The following ASIC2 variants were observed in gnomAD, a reference collection of about 807,000 sequenced individuals.
ASIC2 encodes acid sensing ion channel subunit 2.
A neutral mutation model predicts 57.3 loss-of-function variants in ASIC2; 25 were observed. The ratio of observed to expected loss-of-function variants is 0.44; its 90% CI spans 0.32 to 0.61. The LOEUF (loss-of-function observed/expected upper bound fraction) is 0.61. ASIC2 is among the 20% of genes least tolerant of loss of function. The probability of loss-of-function intolerance (pLI) is 0.06; values close to 1 mark genes in which losing one functional copy is unlikely to be tolerated. For missense variants in ASIC2, 641 were observed against 738.1 expected (o/e 0.87, Z 1.52); for synonymous variants, 319 against 307.5 (o/e 1.04, Z -0.39).
At chr17:33,139,522 T>A (rs2092379081) in intron 1 of ASIC2, among the ~76,000 whole-genome samples, 3 of 152,236 alleles carry the variant, frequency 2.0e-5, no homozygotes, top group Admixed American at 2.0e-4. Context: ...CTTTCCTTGA[T>A]GTTGTCCCAC....
At chr17:33,770,429 A>T (rs1366181611) in intron 1 of ASIC2, among the ~76,000 whole-genome samples, 1 of 152,178 alleles carries the variant, frequency 6.6e-6, no homozygotes, top group Non-Finnish European at 1.5e-5. Flanking sequence ...TACAGGCTTA[A>T]TGTAGGCTTG....
intron 1 of ASIC2, among the ~76,000 whole-genome samples, chr17:33,449,683 G>A (rs540001871): frequency 2.6e-5 from 4 of 152,182 alleles, no homozygotes; most frequent in South Asian, 2.1e-4. Context: ...TACATAAAGC[G>A]TTATAGACCT....
chr17:33,690,743 G>GTTTTTTTTTTTTTTT (rs527881591), intron 1 of ASIC2, among the ~76,000 whole-genome samples: 1 of 81,676 alleles, frequency 1.2e-5, no homozygotes, highest in African/African-American at 5.4e-5. Context: ...ACTCTTCATT[G>GTTTTTTTTTTTTTTT]TTTTTTTTTT....
intron 1 of ASIC2, among the ~76,000 whole-genome samples, chr17:34,151,987 C>T (rs1025038264): frequency 5.3e-5 from 8 of 152,124 alleles, no homozygotes; most frequent in African/African-American, 1.9e-4. Context: ...CTAAAACTCA[C>T]ATTCTTCACC....
chr17:34,033,386 G>T (rs932009249), intron 1 of ASIC2, among the ~76,000 whole-genome samples: 3 of 152,012 alleles, frequency 2.0e-5, no homozygotes, highest in African/African-American at 7.3e-5. Context: ...GAAATTTATA[G>T]CACTAAATGC....
At chr17:33,419,944 A>G (rs1016387034) in intron 1 of ASIC2, among the ~76,000 whole-genome samples, 2 of 152,166 alleles carry the variant, frequency 1.3e-5, no homozygotes, top group Admixed American at 6.5e-5. Flanking sequence ...AAGTGTCTAT[A>G]TATGTTTAGA....
chr17:33,943,976 T>C (rs1916250820), intron 1 of ASIC2, among the ~76,000 whole-genome samples: 1 of 151,404 alleles, frequency 6.6e-6, no homozygotes, highest in African/African-American at 2.4e-5. Context: ...AGAGGTTTAT[T>C]TGTGGAAACC....
intron 3 of ASIC2, among the ~76,000 whole-genome samples, chr17:33,034,297 C>T (rs144044234): frequency 8.1e-4 from 124 of 152,232 alleles, no homozygotes; most frequent in East Asian, 3.1e-3. Context: ...CCAGAAAAAT[C>T]GGCACCCTAG....
intron 1 of ASIC2, among the ~76,000 whole-genome samples, chr17:33,777,051 C>T (rs1171306123): frequency 6.6e-6 from 1 of 152,154 alleles, no homozygotes; most frequent in Non-Finnish European, 1.5e-5. Context: ...ATGGCATCCA[C>T]AGCCCATGTA....
intron 1 of ASIC2, among the ~76,000 whole-genome samples, chr17:33,361,012 C>T (rs1030199697): frequency 2.2e-4 from 34 of 152,192 alleles, no homozygotes; most frequent in Non-Finnish European, 2.9e-5. Context: ...GCTTGGAGTG[C>T]TTTCAGATCT....
chr17:34,039,884 C>T (rs2142044517), intron 1 of ASIC2: 2 of 1,590,696 alleles, frequency 1.3e-6, no homozygotes, highest in Non-Finnish European at 1.7e-6. Context: ...TCTACTGCCG[C>T]CGCCGCCGCT....
chr17:33,416,928 C>A (rs1910862961), intron 1 of ASIC2, among the ~76,000 whole-genome samples: 1 of 152,154 alleles, frequency 6.6e-6, no homozygotes, highest in African/African-American at 2.4e-5. Context: ...CCACAGCCTG[C>A]CTCCCTGCCC....
chr17:33,025,524 C>T (rs1567719885), intron 5 of ASIC2, among the ~76,000 whole-genome samples: 2 of 152,140 alleles, frequency 1.3e-5, no homozygotes, highest in Admixed American at 1.3e-4. Context: ...TAGACACCAT[C>T]AGAGTGTGTG....
At chr17:33,739,049 T>G (rs1390460902) in intron 1 of ASIC2, among the ~76,000 whole-genome samples, 4 of 152,234 alleles carry the variant, frequency 2.6e-5, no homozygotes, top group African/African-American at 9.6e-5. Context: ...GGCAGAAAGC[T>G]GTAAGGTTGA....
At chr17:33,189,819 C>T (rs1222064055) in intron 1 of ASIC2, among the ~76,000 whole-genome samples, 1 of 152,090 alleles carries the variant, frequency 6.6e-6, no homozygotes. Context: ...TGATAAACTA[C>T]AAGGAAAAAT....
chr17:34,102,953 G>T (rs1174506796), intron 1 of ASIC2, among the ~76,000 whole-genome samples: 1 of 152,170 alleles, frequency 6.6e-6, no homozygotes, highest in Admixed American at 6.5e-5. Context: ...GTTGTGAGCT[G>T]ATATTTCATT....
At chr17:33,380,734 G>A (rs1909458705) in intron 1 of ASIC2, among the ~76,000 whole-genome samples, 1 of 152,222 alleles carries the variant, frequency 6.6e-6, no homozygotes, top group Admixed American at 6.5e-5. Context: ...CCCTTGAACT[G>A]CAGGAGGCCT....
At chr17:34,037,416 C>T (rs990618301) in intron 1 of ASIC2, 12 of 522,350 alleles carry the variant, frequency 2.3e-5, no homozygotes, top group African/African-American at 2.3e-4. Context: ...CCTTTTCCTA[C>T]AAGGCCTGGC....
intron 1 of ASIC2, among the ~76,000 whole-genome samples, chr17:33,669,597 C>T (rs1167271442): frequency 1.3e-5 from 2 of 152,160 alleles, no homozygotes; most frequent in African/African-American, 2.4e-5. Context: ...ACACCACTGA[C>T]CAGCTTGTGT....
Sources: allele counts gnomAD v4.1 joint callset (sites outside exome capture counted in the v4.1 genomes callset), GRCh38; gene constraint gnomAD v4.1.1; transcripts MANE v1.5; gene names NCBI Gene and HGNC (gene_info 2026-07-23, HGNC 2026-07-21).